Variants in DLGAP2 observed in about 807,000 individuals in gnomAD.
The protein encoded by DLGAP2 is DLG associated protein 2.
DLGAP2 carries 26 observed loss-of-function variants against 100.3 expected under a neutral mutation model. That is an observed-to-expected ratio of 0.26 (90% CI 0.19 to 0.36). The LOEUF (loss-of-function observed/expected upper bound fraction) is 0.36. DLGAP2 is among the 10% of genes least tolerant of loss of function. The probability of loss-of-function intolerance (pLI) is 1.00; values close to 1 mark genes in which losing one functional copy is unlikely to be tolerated. For synonymous variants in DLGAP2, 886 were observed against 630.1 expected, an observed-to-expected ratio of 1.41 and a Z score of -6.08; for missense variants, 1,858 against 1,453.2, an observed-to-expected ratio of 1.28 and a Z score of -4.53.
intron 1 of DLGAP2, among the ~76,000 whole-genome samples, chr8:760,667 C>G (rs1821057072): frequency 1.3e-5 from 2 of 152,158 alleles, no homozygotes; most frequent in Admixed American, 6.5e-5. Context: ...GGCATAGTTT[C>G]TTCTCTTTAT....
At chr8:1,590,959 C>G (rs1043846879) in intron 6 of DLGAP2, among the ~76,000 whole-genome samples, 1 of 152,178 alleles carries the variant, frequency 6.6e-6, no homozygotes, top group Admixed American at 6.5e-5. Flanking sequence ...GTTGGAGGAC[C>G]AAGCAAAACA....
At chr8:1,522,145 G>C (rs976834030) in intron 4 of DLGAP2, among the ~76,000 whole-genome samples, 13 of 152,186 alleles carry the variant, frequency 8.5e-5, no homozygotes, top group Admixed American at 2.6e-4. Context: ...ACGTGGTGTG[G>C]AGCATCTTTG....
chr8:1,681,198 G>T (rs767581624), intron 12 of DLGAP2, among the ~76,000 whole-genome samples: 4 of 152,304 alleles, frequency 2.6e-5, no homozygotes, highest in East Asian at 3.9e-4. Flanking sequence ...TTTGGAAGGT[G>T]TAAGACATTG....
At chr8:1,392,807 G>C (rs1249896825) in intron 3 of DLGAP2, among the ~76,000 whole-genome samples, 2 of 80,004 alleles carry the variant, frequency 2.5e-5, no homozygotes, top group Admixed American at 2.2e-4. Context: ...TGAAACTCCT[G>C]GGCATCTGTG....
At chr8:1,076,287 C>A (rs1803606783) in intron 2 of DLGAP2, among the ~76,000 whole-genome samples, 1 of 152,190 alleles carries the variant, frequency 6.6e-6, no homozygotes, top group Admixed American at 6.5e-5. Context: ...GGCATGAGCC[C>A]CCGCCGGCTG....
intron 2 of DLGAP2, among the ~76,000 whole-genome samples, chr8:996,069 C>T (rs1445898220): frequency 6.6e-6 from 1 of 152,176 alleles, no homozygotes; most frequent in East Asian, 1.9e-4. Flanking sequence ...AGAAATCCAA[C>T]CACAACACCG....
intron 5 of DLGAP2, among the ~76,000 whole-genome samples, chr8:1,555,911 T>G (rs1440432741): frequency 6.6e-6 from 1 of 152,230 alleles, no homozygotes; most frequent in Non-Finnish European, 1.5e-5. Flanking sequence ...CGCCTCCGTT[T>G]GTGGTGAGAT....
At chr8:982,624 C>T (rs1800368611) in intron 2 of DLGAP2, among the ~76,000 whole-genome samples, 1 of 152,118 alleles carries the variant, frequency 6.6e-6, no homozygotes, top group South Asian at 2.1e-4. Context: ...GGATTCTTTG[C>T]TATAAAATAA....
chr8:1,077,216 A>G (rs1422248776), intron 2 of DLGAP2, among the ~76,000 whole-genome samples: 2 of 152,142 alleles, frequency 1.3e-5, no homozygotes, highest in African/African-American at 2.4e-5. Flanking sequence ...TGGGGGCAGG[A>G]TCCTCCACTC....
chr8:858,591 C>G (rs1797328346), intron 1 of DLGAP2, among the ~76,000 whole-genome samples: 1 of 146,314 alleles, frequency 6.8e-6, no homozygotes, highest in Admixed American at 6.8e-5. Context: ...ATGTGTGACG[C>G]TGTCACCGTG....
At chr8:1,156,056 T>C (rs1331658415) in intron 2 of DLGAP2, among the ~76,000 whole-genome samples, 3 of 152,086 alleles carry the variant, frequency 2.0e-5, no homozygotes, top group Admixed American at 1.3e-4. Context: ...GCACGGCTGA[T>C]GCCCCTCCCG....
chr8:1,442,156 A>G (rs1305588649), intron 3 of DLGAP2, among the ~76,000 whole-genome samples: 2 of 152,176 alleles, frequency 1.3e-5, no homozygotes, highest in African/African-American at 4.8e-5. Context: ...CTGTGGGTTC[A>G]GCCACTGGAG....
intron 2 of DLGAP2, among the ~76,000 whole-genome samples, chr8:1,190,078 C>G (rs542635146): frequency 6.6e-6 from 1 of 152,192 alleles, no homozygotes; most frequent in African/African-American, 2.4e-5. Flanking sequence ...TTTTCTGCTC[C>G]TTGAGGGAAG....
At chr8:1,453,702 G>A (rs577653471) in intron 3 of DLGAP2, among the ~76,000 whole-genome samples, 17 of 152,272 alleles carry the variant, frequency 1.1e-4, no homozygotes, top group Middle Eastern at 3.4e-3. Context: ...GGGAGAATCC[G>A]CCCCATCAAC....
intron 3 of DLGAP2, among the ~76,000 whole-genome samples, chr8:1,335,457 G>T (rs944841647): frequency 8.5e-5 from 13 of 152,192 alleles, no homozygotes; most frequent in African/African-American, 3.1e-4. Flanking sequence ...AACCAAACGG[G>T]ACAGTGTGCT....
rs1283121423 is a variant in DLGAP2, at chr8:1,704,464, G to C, written c.*3058G>C. On this transcript the variant is annotated 3_prime_UTR_variant, in exon 15 of 15. Coordinates refer to ENST00000637795, the MANE Select transcript of DLGAP2 (RefSeq NM_001346810.2). ...GTTTAGCCCGGGAAAGGAGAATGCT[G>C]CTTGTCACCTAGAGTGCTTTCCTTG... The C allele has an allele frequency of 2.0e-5, 3 of 152,222 alleles. No homozygotes were observed. The highest frequency in any genetic ancestry group is 2.1e-4 in the South Asian group (1 of 4,828). 9.4% of individuals were successfully genotyped at this position (152,222 alleles called of 1,614,324 possible). A position where few individuals can be genotyped will look rare whatever the true frequency, so the allele number is the denominator to read the frequency against.
At chr8:874,938 A>G (rs1797662178) in intron 1 of DLGAP2, among the ~76,000 whole-genome samples, 1 of 152,206 alleles carries the variant, frequency 6.6e-6, no homozygotes, top group Admixed American at 6.5e-5. Context: ...GCATACACAC[A>G]TGTACATATA....
intron 2 of DLGAP2, among the ~76,000 whole-genome samples, chr8:1,225,242 G>A (rs1798390975): frequency 6.6e-6 from 1 of 152,230 alleles, no homozygotes; most frequent in African/African-American, 2.4e-5. Context: ...ACATTTCTCA[G>A]TTATGAACAC....
intron 3 of DLGAP2, among the ~76,000 whole-genome samples, chr8:1,295,430 A>AGGAGG (rs1255876401): frequency 1.8e-4 from 28 of 152,224 alleles, no homozygotes; most frequent in East Asian, 1.9e-4. Context: ...TCCGGCCGCC[A>AGGAGG]GGAGGGGAGG....
Sources: allele counts gnomAD v4.1 joint callset (sites outside exome capture counted in the v4.1 genomes callset), GRCh38; gene constraint gnomAD v4.1.1; transcripts MANE v1.5; gene names NCBI Gene and HGNC (gene_info 2026-07-23, HGNC 2026-07-21).